The following HEXB variants were observed in gnomAD, a reference collection of about 807,000 sequenced individuals.
The protein encoded by HEXB is beta-hexosaminidase subunit beta.
Under a neutral mutation model 71.2 loss-of-function variants are expected in HEXB, and 51 were observed. The observed-to-expected ratio is 0.72, with a 90% CI of 0.57 to 0.90. HEXB has a LOEUF of 0.90. HEXB is among the 40% of genes least tolerant of loss of function. The pLI is 0.00. For synonymous variants in HEXB, 266 were observed against 249.3 expected (o/e 1.07, Z -0.63); for missense variants, 617 against 677.0 (o/e 0.91, Z 0.98).
At chr5:74,721,073 T>A (rs1381627363) in intron 13 of HEXB, 45 bp from the exon 14 acceptor site, 27 of 1,367,110 alleles carry the variant, frequency 2.0e-5, no homozygotes, top group Non-Finnish European at 2.8e-5. Flanking sequence ...ATGAATGATA[T>A]CAATCTAAAT....
chr5:74,713,467 C>A (rs60746244), intron 6 of HEXB, 39 bp from the exon 7 acceptor site: 3 of 1,597,532 alleles, frequency 1.9e-6, no homozygotes, highest in Non-Finnish European at 2.6e-6. Flanking sequence ...ATCAAATCTA[C>A]GTTGTACATT....
rs35044539 is a variant in HEXB, at chr5:74,688,336, C to CTT, written c.300-980_300-979dup. On this transcript the variant is annotated intron_variant, in intron 1 of 13. Transcript: ENST00000261416. ...GATTTTTGGATACCAACAAAAGGTACTTTTTTTTTTTTTGAGATGGAGTCT... is the reference window on the plus strand; with the variant it reads ...GATTTTTGGATACCAACAAAAGGTACTTTTTTTTTTTTTTTGAGATGGAGTCT... 4.2e-3 allele frequency among the ~76,000 whole-genome samples: 506 copies of CTT among 121,902 alleles called. 29 individuals carry two copies. Among genetic ancestry groups the CTT allele is most frequent in the Non-Finnish European group, 6.5e-3 (378 of 58,074 alleles). 80.0% of individuals were successfully genotyped at this position (121,902 alleles called of 152,430 possible). A position where few individuals can be genotyped will look rare whatever the true frequency, so the allele number is the denominator to read the frequency against.
upstream of HEXB, among the ~76,000 whole-genome samples, chr5:74,682,226 C>T (rs956380476): frequency 1.3e-5 from 2 of 152,276 alleles, no homozygotes; most frequent in East Asian, 1.9e-4. Context: ...GGCGTGGTGG[C>T]GGGCGCCTGT....
chr5:74,704,574 G>A (rs820828), intron 5 of HEXB, among the ~76,000 whole-genome samples: 141,328 of 152,200 alleles, frequency 0.93, 65,824 homozygotes, highest in African/African-American at 0.98. Flanking sequence ...TGAATGCTCC[G>A]TTTTTCCTTT....
chr5:74,691,060 TC>T (rs1748993880), intron 2 of HEXB, among the ~76,000 whole-genome samples: 1 of 152,092 alleles, frequency 6.6e-6, no homozygotes, highest in South Asian at 2.1e-4. Flanking sequence ...GACTAGAGAG[TC>T]ATAGCTTATC....
Position 74,718,796 on chromosome 5 carries a change from G to A in HEXB, c.1243-1G>A. ...TGTATTGCAATTTGTAACGTTAATA[G>A]CTTGCGCCGGGCACAATAGTTGAAG... On this transcript the variant is annotated splice_acceptor_variant, in intron 10 of 13. Transcript: ENST00000261416. LOFTEE classifies it high-confidence loss of function. 1 of 1,613,972 alleles carries A rather than the reference G, an allele frequency of 6.2e-7. No individual in the cohort carries two copies. The highest frequency in any genetic ancestry group is 8.5e-7 in the Non-Finnish European group (1 of 1,179,920).
At chr5:74,669,818 T>A (rs546692374) in intron 1 of HEXB, among the ~76,000 whole-genome samples, 1 of 152,274 alleles carries the variant, frequency 6.6e-6, no homozygotes. Context: ...TATCTCAATT[T>A]GGCTGAACAC....
chr5:74,720,536 T>C lies in HEXB; in HGVS notation c.1508+18T>C, dbSNP rs751786737. On this transcript the variant is annotated intron_variant, in intron 12 of 13. Coordinates refer to ENST00000261416, the MANE Select transcript of HEXB (RefSeq NM_000521.4). ...AGATTATGGTATGGGATTTACCTGA[T>C]AACATTTAAGAATTAAGGTGCCTTA... 7.5e-6 allele frequency: 12 copies of C among 1,601,184 alleles called. No individual in the cohort carries two copies. The East Asian group carries it at 2.7e-4, about 36-fold the overall frequency.
At chr5:74,713,709 GC>G in intron 7 of HEXB, 74 bp downstream of exon 7, 1 of 1,260,662 alleles carries the variant, frequency 7.9e-7, no homozygotes, top group Non-Finnish European at 1.1e-6. Flanking sequence ...TGTCACCCAG[GC>G]TGGAGTGCAG....
chr5:74,652,418 G>GC lies in HEXB; in HGVS notation c.-377+11862dup, dbSNP rs1748134218. 6.6e-6 allele frequency among the ~76,000 whole-genome samples: 1 copy of GC among 152,206 alleles called. No individual in the cohort carries two copies. Among genetic ancestry groups the GC allele is most frequent in the South Asian group, 2.1e-4 (1 of 4,834 alleles). Reference sequence around the variant, plus strand: ...ACTCCTGAATACACAGTAGCCGTTTGCCTTCATGTATTTGCTTAATCAATG... The same window carrying GC: ...ACTCCTGAATACACAGTAGCCGTTTGCCCTTCATGTATTTGCTTAATCAATG... On this transcript the variant is annotated intron_variant, in intron 1 of 13. Coordinates refer to the HEXB transcript ENST00000511181. This position sits in a 1 kb window ranked among gnomAD's most constrained non-coding sequence, Gnocchi z 5.4.
chr5:74,692,956 C>T (rs1315682829), intron 2 of HEXB, among the ~76,000 whole-genome samples: 2 of 152,214 alleles, frequency 1.3e-5, no homozygotes, highest in Non-Finnish European at 2.9e-5. Flanking sequence ...CCAGAAGCAG[C>T]TAACTGGAGT....
chr5:74,671,587 AG>A (rs1264768410), intron 1 of HEXB, among the ~76,000 whole-genome samples: 3 of 152,100 alleles, frequency 2.0e-5, no homozygotes, highest in Non-Finnish European at 4.4e-5. Context: ...AAACAAGGGG[AG>A]TGATGGGTAT....
rs184315857 is a variant in HEXB, at chr5:74,642,840, G to T, written c.-377+2282G>T. ...CAGGGCTGAGAAAGGAAAGAAATCC[G>T]CTGGCCATTGTGTCACCATCCGCTG... On this transcript the variant is annotated intron_variant, in intron 1 of 13. Coordinates refer to the HEXB transcript ENST00000511181. 2.0e-5 allele frequency among the ~76,000 whole-genome samples: 3 copies of T among 152,190 alleles called. No homozygotes were observed. In the East Asian group the frequency reaches 5.8e-4, roughly 29 times the overall value.
upstream of HEXB, among the ~76,000 whole-genome samples, chr5:74,683,180 A>G (rs923474248): frequency 1.3e-5 from 2 of 152,226 alleles, no homozygotes; most frequent in Admixed American, 6.5e-5. Flanking sequence ...GAGAGCCACT[A>G]TCAGACAAGG....
chr5:74,641,070 T>C lies in HEXB; in HGVS notation c.-377+512T>C, dbSNP rs1747860248. ...CGCCTCTTTGGGCCAGCCTGGTTAA[T>C]GGACAGCCCCGGATCTGAGGGACCC... On this transcript the variant is annotated intron_variant, in intron 1 of 13. Transcript: ENST00000511181. This position sits in a 1 kb window ranked among gnomAD's most constrained non-coding sequence, Gnocchi z 4.1. 6.6e-6 allele frequency: 1 copy of C among 152,024 alleles called. No individual in the cohort carries two copies. Among genetic ancestry groups the C allele is most frequent in the South Asian group, 2.1e-4 (1 of 4,814 alleles). 9.4% of individuals were successfully genotyped at this position (152,024 alleles called of 1,614,324 possible).
intron 1 of HEXB, among the ~76,000 whole-genome samples, chr5:74,671,891 G>A (rs930324547): frequency 6.8e-4 from 104 of 152,184 alleles, no homozygotes; most frequent in African/African-American, 2.3e-3. Flanking sequence ...GTCTGCAATG[G>A]GAGGACTCCT....
At chr5:74,716,742 T>G in intron 9 of HEXB, 69 bp downstream of exon 9, 1 of 983,490 alleles carries the variant, frequency 1.0e-6, no homozygotes, top group Non-Finnish European at 1.6e-6. Flanking sequence ...ATGTGCTTTA[T>G]TTTTTACATT....
At chr5:74,677,558 A>G (rs1748656815) in intron 1 of HEXB, among the ~76,000 whole-genome samples, 2 of 140,194 alleles carry the variant, frequency 1.4e-5, no homozygotes, top group Non-Finnish European at 3.0e-5. Flanking sequence ...TCTCTTTGCC[A>G]ACACCAGCAA....
chr5:74,704,471 T>C (rs2112155012), intron 5 of HEXB, among the ~76,000 whole-genome samples: 1 of 152,282 alleles, frequency 6.6e-6, no homozygotes, highest in Admixed American at 6.5e-5. Context: ...TGCCCAAAAA[T>C]TTCTCTGGGG....
Sources: allele counts gnomAD v4.1 joint callset (sites outside exome capture counted in the v4.1 genomes callset), GRCh38; gene constraint gnomAD v4.1.1; non-coding constraint Gnocchi (gnomAD v3.1); transcripts MANE v1.5; gene names NCBI Gene and HGNC (gene_info 2026-07-23, HGNC 2026-07-21).